Variants in NCK1 observed in about 807,000 individuals in gnomAD.
NCK1 encodes the protein NCK adaptor protein 1.
NCK1 carries 19 observed loss-of-function variants against 36.6 expected under a neutral mutation model. The ratio of observed to expected loss-of-function variants is 0.52; its 90% CI spans 0.36 to 0.76. The LOEUF is 0.76. Ranked by LOEUF, NCK1 falls within the 30% of genes least tolerant of loss-of-function variation. The pLI is 0.00. For missense variants in NCK1, 358 were observed against 445.6 expected, an observed-to-expected ratio of 0.80 and a Z score of 1.77; for synonymous variants, 165 against 156.0, an observed-to-expected ratio of 1.06 and a Z score of -0.43.
At position 136,873,150 on chromosome 3, in the gene NCK1, A is replaced by G. The variant is rs560491128; in HGVS notation, c.-19+10797A>G. 3.9e-5 allele frequency among the ~76,000 whole-genome samples: 6 copies of G among 152,260 alleles called. No homozygotes were observed. The East Asian group carries it at 5.8e-4, about 15-fold the overall frequency. ...CGCCTGGAAAAGCTGCAGACACTCA[A>G]TGCAAGCCTGTGAAAGCAGCCAGGA... is the stretch of plus-strand genomic sequence containing the variant. On this transcript the variant is annotated intron_variant, in intron 1 of 3. Coordinates refer to ENST00000481752, the MANE Select transcript of NCK1 (RefSeq NM_001291999.2).
chr3:136,924,754 G>T (rs1357313102), intron 1 of NCK1, among the ~76,000 whole-genome samples: 2 of 152,164 alleles, frequency 1.3e-5, no homozygotes, highest in Non-Finnish European at 2.9e-5. Context: ...GAGGTCCATG[G>T]CTTAACCCAT....
intron 2 of NCK1, among the ~76,000 whole-genome samples, chr3:136,945,241 A>C (rs1187676933): frequency 6.6e-6 from 1 of 152,206 alleles, no homozygotes; most frequent in Non-Finnish European, 1.5e-5. Context: ...TTGTGTACTT[A>C]GATTGTAGCT....
rs989927928 is a variant in NCK1 at position 136,869,964 on chromosome 3, C to T, written c.-19+7611C>T. Among the ~76,000 whole-genome samples the T allele has an allele frequency of 7.4e-5, 11 of 149,214 alleles. No individual in the cohort carries two copies. The South Asian group carries it at 2.3e-3, about 32-fold the overall frequency. On this transcript the variant is annotated intron_variant, in intron 1 of 3. Coordinates refer to ENST00000481752, the MANE Select transcript of NCK1 (RefSeq NM_001291999.2). The stretch of plus-strand genomic sequence containing the variant: ...TAATTTTTGCTTTTGTTCAAACAGC[C>T]AGTTGAATAAAACAAGCAGTGAAAA...
chr3:136,891,873 A>G (rs956307450), intron 1 of NCK1, among the ~76,000 whole-genome samples: 1 of 152,170 alleles, frequency 6.6e-6, no homozygotes, highest in Non-Finnish European at 1.5e-5. Flanking sequence ...TTCCTACTCC[A>G]TTTTTGTGTT....
intron 1 of NCK1, among the ~76,000 whole-genome samples, chr3:136,907,648 T>G (rs1939720026): frequency 6.6e-6 from 1 of 152,202 alleles, no homozygotes; most frequent in South Asian, 2.1e-4. Context: ...TGAATTCCAG[T>G]GTTCTCTCTT....
chr3:136,905,680 A>G (rs1351400313), intron 1 of NCK1, among the ~76,000 whole-genome samples: 1 of 152,086 alleles, frequency 6.6e-6, no homozygotes, highest in Non-Finnish European at 1.5e-5. Flanking sequence ...GCTGGAGTGC[A>G]ATGGTGTGAT....
rs1940299786 is a variant in NCK1 at position 136,928,337 on chromosome 3, G to A, written c.226+110G>A. ...TGCATAATTGACTTGAAAAGGCAAG[G>A]GCTAGGTAAGTTTGAGTCATAGCAG... On this transcript the variant is annotated intron_variant, in intron 2 of 3. Transcript: ENST00000481752. The A allele has an allele frequency of 3.8e-6, 4 of 1,057,538 alleles. No individual in the cohort carries two copies. In the South Asian group the frequency reaches 6.8e-5, roughly 18 times the overall value. The allele number at this position is 1,057,538 out of a possible 1,614,324, so 65.5% of individuals were successfully genotyped here. A position where few individuals can be genotyped will look rare whatever the true frequency, so the allele number is the denominator to read the frequency against.
At chr3:136,887,067 C>CT (rs1939093283) in intron 1 of NCK1, among the ~76,000 whole-genome samples, 2 of 152,154 alleles carry the variant, frequency 1.3e-5, no homozygotes, top group South Asian at 4.1e-4. Flanking sequence ...TGGTCTCGAA[C>CT]TCCTGACCTC....
intron 1 of NCK1, among the ~76,000 whole-genome samples, chr3:136,865,396 T>C (rs1164487193): frequency 6.6e-6 from 1 of 152,260 alleles, no homozygotes; most frequent in Admixed American, 6.5e-5. Context: ...ATATTCATTT[T>C]TCAAAAATTT....
intron 1 of NCK1, among the ~76,000 whole-genome samples, chr3:136,893,197 C>CACACACACACACACACACACACCAT (rs1433214410): frequency 3.4e-5 from 4 of 118,542 alleles, no homozygotes; most frequent in East Asian, 3.2e-4. Context: ...TATATACACA[C>CACACACACACACACACACACACCAT]ATGTGCAAGT....
intron 1 of NCK1, among the ~76,000 whole-genome samples, chr3:136,920,950 G>T (rs1940093794): frequency 6.6e-6 from 1 of 152,036 alleles, no homozygotes; most frequent in Non-Finnish European, 1.5e-5. Context: ...ACTGAATTTT[G>T]TCCCTTCAAA....
At chr3:136,885,445 T>C (rs1939052535) in intron 1 of NCK1, among the ~76,000 whole-genome samples, 1 of 152,138 alleles carries the variant, frequency 6.6e-6, no homozygotes, top group South Asian at 2.1e-4. Flanking sequence ...GCTGGAACTA[T>C]AGGTGCATGC....
At chr3:136,914,435 A>G (rs1011666405) in intron 1 of NCK1, among the ~76,000 whole-genome samples, 11 of 152,186 alleles carry the variant, frequency 7.2e-5, no homozygotes, top group African/African-American at 2.4e-4. Flanking sequence ...TACTAGTACA[A>G]TTGTTGTCTA....
intron 1 of NCK1, among the ~76,000 whole-genome samples, chr3:136,866,509 G>T (rs563002402): frequency 5.9e-5 from 9 of 151,570 alleles, no homozygotes; most frequent in African/African-American, 2.2e-4. Context: ...GTTTCTCCGT[G>T]TTGGTCAGGC....
intron 1 of NCK1, among the ~76,000 whole-genome samples, chr3:136,901,613 A>G (rs761054574): frequency 6.6e-6 from 1 of 152,064 alleles, no homozygotes; most frequent in Non-Finnish European, 1.5e-5. Flanking sequence ...GGTAGATTGT[A>G]TATGTCTATG....
At chr3:136,866,656 C>G (rs1402131237) in intron 1 of NCK1, among the ~76,000 whole-genome samples, 2 of 151,064 alleles carry the variant, frequency 1.3e-5, no homozygotes, top group African/African-American at 4.9e-5. Flanking sequence ...CTCTGTCACC[C>G]AGGCTGGAGT....
At chr3:136,896,123 T>C in intron 1 of NCK1, among the ~76,000 whole-genome samples, 1 of 152,224 alleles carries the variant, frequency 6.6e-6, no homozygotes, top group East Asian at 1.9e-4. Context: ...TGAGTATTTA[T>C]CATTTCTATG....
At chr3:136,889,044 A>ATTTTTTT (rs58385753) in intron 1 of NCK1, 22 of 91,210 alleles carry the variant, frequency 2.4e-4, no homozygotes, top group African/African-American at 3.8e-4. Flanking sequence ...TAATTTTTTG[A>ATTTTTTT]TTTTTTTTTT....
chr3:136,941,912 C>G lies in NCK1; in HGVS notation c.227-3671C>G, dbSNP rs142462007. On this transcript the variant is annotated intron_variant, in intron 2 of 3. Coordinates refer to ENST00000481752, the MANE Select transcript of NCK1 (RefSeq NM_001291999.2). Reference sequence around the variant, plus strand: ...GGAGTACAGTGGTGCGGTCTTGGCTCACTACAACCTCCACCTCCCGGGTTC... The same window carrying G: ...GGAGTACAGTGGTGCGGTCTTGGCTGACTACAACCTCCACCTCCCGGGTTC... 9.9e-3 allele frequency among the ~76,000 whole-genome samples: 1,515 copies of G among 152,272 alleles called. 31 individuals carry two copies. Among genetic ancestry groups the G allele is most frequent in the African/African-American group, 0.034 (1,407 of 41,530 alleles).
Sources: allele counts gnomAD v4.1 joint callset (sites outside exome capture counted in the v4.1 genomes callset), GRCh38; gene constraint gnomAD v4.1.1; transcripts MANE v1.5; gene names NCBI Gene and HGNC (gene_info 2026-07-23, HGNC 2026-07-21).